TENM3: variants seen among roughly 807,000 people sequenced by gnomAD.
TENM3 encodes teneurin-3.
A neutral mutation model predicts 255.1 loss-of-function variants in TENM3; 63 were observed. That is an observed-to-expected ratio of 0.25 (90% CI 0.20 to 0.30). The LOEUF is 0.30. Among genes scored for constraint, TENM3 ranks in the 10% least tolerant of loss-of-function variants. The pLI is 1.00. For synonymous variants in TENM3, 1,306 were observed against 1,322.3 expected (o/e 0.99, Z 0.27); for missense variants, 2,929 against 3,461.1 (o/e 0.85, Z 3.86).
At chr4:181,735,075 G>A in the TENM3 span, among the ~76,000 whole-genome samples, 1 of 151,788 alleles carries the variant, frequency 6.6e-6, no homozygotes, top group Admixed American at 6.6e-5. Flanking sequence ...GCAAAGAACT[G>A]GGTATGTAAA....
the TENM3 span, among the ~76,000 whole-genome samples, chr4:181,939,119 G>T: frequency 1.1e-3 from 168 of 152,194 alleles, 1 homozygote; most frequent in African/African-American, 3.5e-3. Flanking sequence ...GTAATCTTGT[G>T]CACTTTTTCA....
chr4:181,613,237 TCTC>T, the TENM3 span, among the ~76,000 whole-genome samples: 2 of 152,148 alleles, frequency 1.3e-5, no homozygotes, highest in African/African-American at 2.4e-5. Context: ...GACATCTCCT[TCTC>T]CTTGTTCCTA....
intron 16 of TENM3, among the ~76,000 whole-genome samples, chr4:182,736,215 G>A (rs1761150506): frequency 6.6e-6 from 1 of 152,218 alleles, no homozygotes; most frequent in Non-Finnish European, 1.5e-5. Flanking sequence ...ACGATTGGGT[G>A]TTTTTTGTTA....
At chr4:182,360,955 G>A (rs1165934339) in intron 3 of TENM3, among the ~76,000 whole-genome samples, 2 of 152,156 alleles carry the variant, frequency 1.3e-5, no homozygotes, top group African/African-American at 4.8e-5. Context: ...TGTCTGTAAA[G>A]TATTCTATTT....
chr4:181,881,317 A>C, the TENM3 span, among the ~76,000 whole-genome samples: 262 of 152,264 alleles, frequency 1.7e-3, no homozygotes, highest in African/African-American at 6.1e-3. Flanking sequence ...ACCAATAAGA[A>C]GAAAGAGACT....
At chr4:181,797,311 C>T in the TENM3 span, among the ~76,000 whole-genome samples, 1 of 152,088 alleles carries the variant, frequency 6.6e-6, no homozygotes, top group African/African-American at 2.4e-5. Flanking sequence ...AGGGCCAATA[C>T]ATAATGGTGA....
At chr4:182,611,334 A>G (rs1253872617) in intron 4 of TENM3, among the ~76,000 whole-genome samples, 2 of 151,898 alleles carry the variant, frequency 1.3e-5, no homozygotes, top group South Asian at 2.1e-4. Context: ...AACTAAAACA[A>G]TTTTACAGAA....
the TENM3 span, among the ~76,000 whole-genome samples, chr4:181,822,542 T>C: frequency 8.5e-5 from 13 of 152,300 alleles, no homozygotes; most frequent in East Asian, 2.5e-3. Context: ...AAAATATAAA[T>C]AAAAGCTTTA....
At chr4:182,532,345 G>A (rs556282023) in intron 3 of TENM3, among the ~76,000 whole-genome samples, 1 of 152,258 alleles carries the variant, frequency 6.6e-6, no homozygotes, top group East Asian at 1.9e-4. Flanking sequence ...TGACTGACAC[G>A]TGGTGGCCAT....
chr4:182,467,226 T>C (rs1732684220), intron 3 of TENM3, among the ~76,000 whole-genome samples: 1 of 152,196 alleles, frequency 6.6e-6, no homozygotes, highest in Admixed American at 6.5e-5. Context: ...TAATAAACTT[T>C]ATGTGAGTAT....
At chr4:182,115,636 C>T in the TENM3 span, among the ~76,000 whole-genome samples, 1 of 152,180 alleles carries the variant, frequency 6.6e-6, no homozygotes, top group Admixed American at 6.5e-5. Context: ...TCAGTGTTTT[C>T]CATGTAAAAA....
the TENM3 span, among the ~76,000 whole-genome samples, chr4:181,453,636 A>T: frequency 6.6e-6 from 1 of 152,092 alleles, no homozygotes; most frequent in East Asian, 1.9e-4. Flanking sequence ...CCCAAAGACG[A>T]TGAAGAAATG....
chr4:181,810,206 A>G, the TENM3 span, among the ~76,000 whole-genome samples: 1 of 152,170 alleles, frequency 6.6e-6, no homozygotes, highest in South Asian at 2.1e-4. Flanking sequence ...AAGGGACTTC[A>G]AAATTCCTTT....
the TENM3 span, among the ~76,000 whole-genome samples, chr4:181,814,588 G>A: frequency 2.3e-5 from 1 of 42,602 alleles, no homozygotes; most frequent in Non-Finnish European, 4.3e-5. Context: ...TTTTAAATGC[G>A]TGTGTGTGTG....
chr4:182,764,496 T>TG (rs982679996), intron 22 of TENM3, among the ~76,000 whole-genome samples: 2 of 152,128 alleles, frequency 1.3e-5, no homozygotes, highest in African/African-American at 2.4e-5. Context: ...GATTGAGAAC[T>TG]GGGGACAGGA....
In TENM3 at chr4:182,793,024, A is replaced by G. The variant is rs1766226380; in HGVS notation, c.6352A>G (p.Lys2118Glu). Reference protein sequence around the residue: ...NMGRVTKREIKIGPFANTTKY... With the variant: ...NMGRVTKREIEIGPFANTTKY... The stretch of plus-strand genomic sequence containing the variant: ...GGGTCGGGTAACCAAGAGAGAGATT[A>G]AAATAGGGCCCTTTGCCAACACCAC... Residue 2118 changes from lysine (K) to glutamate (E), a missense_variant, in exon 26 of 28, where the codon AAA (lysine) becomes GAA (glutamate). Lys to Glu is a moderately conservative substitution (Grantham distance 56). Transcript: ENST00000511685. The surrounding 1 kb of genome is among the most constrained non-coding windows in gnomAD (Gnocchi z 5.7). 6.2e-7 allele frequency: 1 copy of G among 1,613,980 alleles called. No individual in the cohort carries two copies. Among genetic ancestry groups the G allele is most frequent in the East Asian group, 2.2e-5 (1 of 44,876 alleles).
chr4:182,164,427 T>A (rs1579567143), intron 1 of TENM3, among the ~76,000 whole-genome samples: 1 of 152,154 alleles, frequency 6.6e-6, no homozygotes. Flanking sequence ...CCATTTGTCT[T>A]CCACCCCTGC....
chr4:182,241,178 T>C (rs1431508305), upstream of TENM3, among the ~76,000 whole-genome samples: 2 of 152,210 alleles, frequency 1.3e-5, no homozygotes, highest in African/African-American at 2.4e-5. Context: ...TCTCTCTGGT[T>C]TACCATTGGC....
At chr4:182,302,946 T>C (rs1298870834) in intron 1 of TENM3, among the ~76,000 whole-genome samples, 1 of 152,198 alleles carries the variant, frequency 6.6e-6, no homozygotes. Flanking sequence ...GTGTGTCATT[T>C]TTCCAGCTCA....
Sources: gnomAD v4.1 joint callset for allele counts (sites outside exome capture counted in the v4.1 genomes callset) on GRCh38, gnomAD v4.1.1 for gene constraint, Gnocchi (gnomAD v3.1) non-coding constraint, MANE v1.5 for transcripts, NCBI Gene and HGNC (gene_info 2026-07-23, HGNC 2026-07-21) for gene names.